The following NPAS3 variants were observed in gnomAD, a reference collection of about 807,000 sequenced individuals.
NPAS3 encodes neuronal PAS domain-containing protein 3.
NPAS3 carries 14 observed loss-of-function variants against 73.1 expected under a neutral mutation model. That is an observed-to-expected ratio of 0.19 (90% confidence interval 0.13 to 0.30). The LOEUF (loss-of-function observed/expected upper bound fraction) is 0.30, where lower values mean the gene tolerates loss of function less well. NPAS3 is among the 10% of genes least tolerant of loss of function. The pLI is 1.00. For synonymous variants in NPAS3, 620 were observed against 541.5 expected, an observed-to-expected ratio of 1.14 and a Z score of -2.01; for missense variants, 1,096 against 1,250.0, an observed-to-expected ratio of 0.88 and a Z score of 1.86.
At position 33,056,119 on chromosome 14, in the gene NPAS3, A is replaced by G. The variant is rs2040878729; in HGVS notation, c.140+125A>G. 3 of 543,522 alleles carry G rather than the reference A, an allele frequency of 5.5e-6. No individual in the cohort carries two copies. The South Asian group carries it at 8.6e-5, about 16-fold the overall frequency. 33.7% of individuals were successfully genotyped at this position (543,522 alleles called of 1,614,324 possible). ...TCTAATTTAGTGGGGGAGAAAAAAA[A>G]ACAAAAAAACAAACCAACAAACCAA... On this transcript the variant is annotated intron_variant, in intron 2 of 11. Coordinates refer to ENST00000356141, the Ensembl canonical transcript of NPAS3.
intron 5 of NPAS3, among the ~76,000 whole-genome samples, chr14:33,605,897 AC>A (rs763357933): frequency 3.3e-5 from 5 of 152,172 alleles, no homozygotes; most frequent in Non-Finnish European, 5.9e-5. Context: ...GTATGCAAGT[AC>A]CTAGCATAGC....
At position 33,247,733 on chromosome 14, in the gene NPAS3, CCT is replaced by C. The variant is rs1253024198; in HGVS notation, c.385+32309_385+32310del. ...CCTTCCATAATTTGTTTTAAGAAGT[CCT>C]CATGTCGAAAAGATAGAATTACTTT... On this transcript the variant is annotated intron_variant, in intron 3 of 11. Coordinates refer to ENST00000356141, the Ensembl canonical transcript of NPAS3. 2.0e-5 allele frequency among the ~76,000 whole-genome samples: 3 copies of C among 152,162 alleles called. No individual in the cohort carries two copies. The South Asian group carries it at 6.2e-4, about 32-fold the overall frequency.
At chr14:33,784,748 T>TATTTA (rs58424536) in intron 9 of NPAS3, among the ~76,000 whole-genome samples, 1,233 of 107,208 alleles carry the variant, frequency 0.012, 13 homozygotes, top group Middle Eastern at 0.022. Context: ...TTTATTTATT[T>TATTTA]TTTTTTTTTT....
At chr14:33,766,027 T>G (rs897453854) in intron 7 of NPAS3, among the ~76,000 whole-genome samples, 1 of 152,174 alleles carries the variant, frequency 6.6e-6, no homozygotes. Context: ...CACATCAGCA[T>G]TAGGTGTTGT....
intron 5 of NPAS3, among the ~76,000 whole-genome samples, chr14:33,607,112 G>A (rs186504135): frequency 2.6e-5 from 4 of 152,212 alleles, no homozygotes; most frequent in Non-Finnish European, 4.4e-5. Context: ...AAATAGTTTA[G>A]CAATTTTCTT....
intron 1 of NPAS3, among the ~76,000 whole-genome samples, chr14:32,945,193 A>T (rs2036200991): frequency 6.6e-6 from 1 of 152,180 alleles, no homozygotes; most frequent in Non-Finnish European, 1.5e-5. Context: ...GTGTTCTGTG[A>T]GGATAGTTAT....
chr14:33,571,133 C>A (rs920942348), intron 5 of NPAS3, among the ~76,000 whole-genome samples: 1 of 152,182 alleles, frequency 6.6e-6, no homozygotes, highest in Non-Finnish European at 1.5e-5. Context: ...ATCCTTTTGT[C>A]TGTTAGACAT....
chr14:33,615,639 T>C (rs1027578052), intron 5 of NPAS3, among the ~76,000 whole-genome samples: 4 of 152,206 alleles, frequency 2.6e-5, no homozygotes, highest in Admixed American at 1.3e-4. Flanking sequence ...GATCTTTCCA[T>C]TTCATGTGCC....
intron 2 of NPAS3, among the ~76,000 whole-genome samples, chr14:33,068,084 T>C (rs895550229): frequency 6.6e-6 from 1 of 152,240 alleles, no homozygotes; most frequent in African/African-American, 2.4e-5. Context: ...AGTCCTGCTC[T>C]ATGCAAAGCA....
At chr14:33,713,608 G>A (rs1251108092) in intron 6 of NPAS3, among the ~76,000 whole-genome samples, 3 of 152,096 alleles carry the variant, frequency 2.0e-5, no homozygotes, top group Non-Finnish European at 4.4e-5. Flanking sequence ...CTGTTGCTTC[G>A]AGATACATCT....
intron 4 of NPAS3, among the ~76,000 whole-genome samples, chr14:33,489,094 G>GT (rs953227118): frequency 5.9e-5 from 9 of 151,898 alleles, no homozygotes; most frequent in African/African-American, 2.2e-4. Flanking sequence ...GAGGGTTTTG[G>GT]TTTTTTTTCT....
intron 3 of NPAS3, among the ~76,000 whole-genome samples, chr14:33,331,038 C>G (rs78629871): frequency 1.5e-3 from 231 of 152,278 alleles, no homozygotes; most frequent in Middle Eastern, 3.4e-3. Context: ...GGAGATAAAA[C>G]ATTCCTCAAA....
chr14:33,368,103 C>T (rs2045924418), intron 4 of NPAS3, among the ~76,000 whole-genome samples: 1 of 151,644 alleles, frequency 6.6e-6, no homozygotes, highest in Non-Finnish European at 1.5e-5. Flanking sequence ...ATATGTAGGC[C>T]GCTTACTGTA....
chr14:33,218,945 A>G, intron 3 of NPAS3, among the ~76,000 whole-genome samples: 1 of 152,070 alleles, frequency 6.6e-6, no homozygotes, highest in Non-Finnish European at 1.5e-5. Context: ...AGGTGACAGT[A>G]TGTAATATGT....
intron 4 of NPAS3, among the ~76,000 whole-genome samples, chr14:33,396,299 C>G (rs561628849): frequency 6.6e-6 from 1 of 152,276 alleles, no homozygotes; most frequent in East Asian, 1.9e-4. Context: ...TCTCTCTTCC[C>G]TGTGCCTTTA....
At chr14:33,659,734 CA>C (rs1015262963) in intron 5 of NPAS3, among the ~76,000 whole-genome samples, 44 of 145,920 alleles carry the variant, frequency 3.0e-4, no homozygotes, top group East Asian at 6.0e-4. Context: ...TCTAAGGAAG[CA>C]AAAAAAAAAG....
intron 4 of NPAS3, among the ~76,000 whole-genome samples, chr14:33,555,557 G>T (rs529542692): frequency 6.6e-6 from 1 of 152,216 alleles, no homozygotes; most frequent in African/African-American, 2.4e-5. Context: ...AATCACACTT[G>T]GTTTCCAAGA....
chr14:33,633,234 A>G (rs2058428492), intron 5 of NPAS3, among the ~76,000 whole-genome samples: 1 of 152,206 alleles, frequency 6.6e-6, no homozygotes, highest in Admixed American at 6.5e-5. Flanking sequence ...TCCTGGAACC[A>G]ATCCCCCAAA....
At chr14:33,710,668 A>G (rs967456457) in intron 6 of NPAS3, among the ~76,000 whole-genome samples, 1 of 152,162 alleles carries the variant, frequency 6.6e-6, no homozygotes, top group African/African-American at 2.4e-5. Context: ...AGGAAAAAGG[A>G]GTGCCCCAAG....
Sources: gnomAD v4.1 joint callset for allele counts (sites outside exome capture counted in the v4.1 genomes callset) on GRCh38, gnomAD v4.1.1 for gene constraint, MANE v1.5 for transcripts, NCBI Gene and HGNC (gene_info 2026-07-23, HGNC 2026-07-21) for gene names.